TDG: variants seen among roughly 807,000 people sequenced by gnomAD.
The protein encoded by TDG is thymine DNA glycosylase.
In TDG, 23 loss-of-function variants were observed where a neutral mutation model predicts 46.1. That is an observed-to-expected ratio of 0.50 (90% CI 0.36 to 0.71). The LOEUF (loss-of-function observed/expected upper bound fraction) is 0.71, where lower values mean the gene tolerates loss of function less well. Ranked by LOEUF, TDG falls within the 30% of genes least tolerant of loss-of-function variation. The pLI, the probability that TDG is intolerant of heterozygous loss-of-function variation, is 0.00. For missense variants in TDG, 304 were observed against 486.7 expected (o/e 0.62, Z 3.53); for synonymous variants, 115 against 161.3 (o/e 0.71, Z 2.18).
At position 103,979,109 on chromosome 12, in the gene TDG, C is replaced by CTTTTTTTTTTTTTTTTTT. The variant is rs372883902; in HGVS notation, c.167-710_167-709insTTTTTTTTTTTTTTTTTT. Reference sequence around the variant, plus strand: ...GCCATTGTGTTTTTCTTTTTTCTTTCTTTTTTTTTTTTGGACAGAGTCTTG... The same window carrying CTTTTTTTTTTTTTTTTTT: ...GCCATTGTGTTTTTCTTTTTTCTTTCTTTTTTTTTTTTTTTTTTTTTTTTTTTTTTGGACAGAGTCTTG... On this transcript the variant is annotated intron_variant, in intron 2 of 9. Transcript: ENST00000392872. Among the ~76,000 whole-genome samples, 16 of 123,572 alleles carry CTTTTTTTTTTTTTTTTTT rather than the reference C, an allele frequency of 1.3e-4. 1 individual carries two copies. The highest frequency in any genetic ancestry group is 2.4e-4 in the East Asian group (1 of 4,176). 81.1% of individuals were successfully genotyped at this position (123,572 alleles called of 152,430 possible).
intron 1 of TDG, among the ~76,000 whole-genome samples, chr12:103,976,615 C>T (rs322109): frequency 0.9 from 136,932 of 152,224 alleles, 61,680 homozygotes; most frequent in East Asian, 1. Context: ...TACTAGAAAA[C>T]TCCCTCAAAT....
chr12:103,970,966 A>G (rs1871261181), intron 1 of TDG, among the ~76,000 whole-genome samples: 1 of 152,190 alleles, frequency 6.6e-6, no homozygotes, highest in Non-Finnish European at 1.5e-5. Flanking sequence ...ACATTAAAAA[A>G]TGATACAGAT....
intron 4 of TDG, 91 bp from the exon 5 acceptor site, chr12:103,982,708 T>A (rs1000334263): frequency 7.1e-7 from 1 of 1,400,422 alleles, no homozygotes; most frequent in Non-Finnish European, 9.9e-7. Flanking sequence ...GAGGCTGCAC[T>A]GAGCCATGAT....
Position 103,976,994 on chromosome 12 carries a change from G to A in TDG, c.100G>A (p.Val34Ile). The A allele has an allele frequency of 2.5e-6, 4 of 1,613,968 alleles. No homozygotes were observed. Among genetic ancestry groups the A allele is most frequent in the Non-Finnish European group, 3.4e-6 (4 of 1,179,962 alleles). ...GATGGCTGAAGCTCCTAATATGGCA[G>A]TTGTGAATGAACAGCAAATGCCAGA... ...QLMAEAPNMA[V>I]VNEQQMPEEV... Residue 34 changes from valine (V) to isoleucine (I), a missense_variant, in exon 2 of 10, where the codon GTT becomes ATT. Coordinates refer to ENST00000392872, the MANE Select transcript of TDG (RefSeq NM_003211.6).
rs1872247755 is a variant in TDG, at chr12:103,987,720, T to C, written c.*630T>C. On this transcript the variant is annotated 3_prime_UTR_variant, in exon 10 of 10. Transcript: ENST00000392872. Reference sequence around the variant, plus strand: ...CCTGCTCAGCCCTGTGTGTTAATCCTCTAGTAGCCAATTAACTACTCTGGG... The same window carrying C: ...CCTGCTCAGCCCTGTGTGTTAATCCCCTAGTAGCCAATTAACTACTCTGGG... The C allele has an allele frequency of 6.6e-6, 1 of 152,626 alleles. No individual in the cohort carries two copies. The highest frequency in any genetic ancestry group is 2.4e-5 in the African/African-American group (1 of 41,478). The allele number at this position is 152,626 out of a possible 1,614,324, so 9.5% of individuals were successfully genotyped here. A position where few individuals can be genotyped will look rare whatever the true frequency, so the allele number is the denominator to read the frequency against.
At chr12:103,966,239 G>A (rs938090646) in intron 1 of TDG, among the ~76,000 whole-genome samples, 179 bp downstream of exon 1, 4 of 152,236 alleles carry the variant, frequency 2.6e-5, no homozygotes, top group African/African-American at 9.6e-5. Flanking sequence ...GGTGGTGGTG[G>A]AGGTCGGGGC....
intron 1 of TDG, among the ~76,000 whole-genome samples, chr12:103,968,911 C>A (rs1687545515): frequency 6.6e-6 from 1 of 152,178 alleles, no homozygotes; most frequent in African/African-American, 2.4e-5. Context: ...AGTGGATCAC[C>A]TGAAGTCAGG....
chr12:103,968,679 G>A (rs1461393853), intron 1 of TDG, among the ~76,000 whole-genome samples: 2 of 152,218 alleles, frequency 1.3e-5, no homozygotes, highest in Non-Finnish European at 2.9e-5. Context: ...CAAGGGAGAG[G>A]CCAGATTAAA....
chr12:103,985,174 C>CACACACACAT (rs1872074673), intron 8 of TDG, among the ~76,000 whole-genome samples: 1 of 93,340 alleles, frequency 1.1e-5, no homozygotes, highest in Non-Finnish European at 2.6e-5. Flanking sequence ...CATACACACA[C>CACACACACAT]ACACACACAC....
rs1871316491 is a variant in TDG at position 103,972,175 on chromosome 12, G to A, written c.24-4743G>A. 2.0e-5 allele frequency among the ~76,000 whole-genome samples: 3 copies of A among 152,006 alleles called. No individual in the cohort carries two copies. The South Asian group carries it at 6.2e-4, about 32-fold the overall frequency. ...GCTCTGTCGCCCAGGCTGGAGTACA[G>A]TGGTACGATCTTGGCTTACTGCAGC... On this transcript the variant is annotated intron_variant, in intron 1 of 9. Coordinates refer to ENST00000392872, the MANE Select transcript of TDG (RefSeq NM_003211.6).
chr12:103,966,159 C>A, intron 1 of TDG, 99 bp downstream of exon 1: 1 of 1,357,186 alleles, frequency 7.4e-7, no homozygotes, highest in Non-Finnish European at 9.6e-7. Context: ...TAAATCCCGG[C>A]CGGAATACAA....
In TDG at chr12:103,985,529, A is replaced by T. The variant is rs767718291; in HGVS notation, c.965-74A>T. The T allele has an allele frequency of 8.7e-6, 13 of 1,491,012 alleles. No individual in the cohort carries two copies. In the South Asian group the frequency reaches 1.6e-4, roughly 19 times the overall value. 92.4% of individuals were successfully genotyped at this position (1,491,012 alleles called of 1,614,324 possible). A position where few individuals can be genotyped will look rare whatever the true frequency, so the allele number is the denominator to read the frequency against. On this transcript the variant is annotated intron_variant, in intron 8 of 9. Transcript: ENST00000392872. ...GAATATTCAAGAAAAAGAATTGTTC[A>T]TGATTTCTGAATAAAGCTACTTTTA...
intron 4 of TDG, among the ~76,000 whole-genome samples, chr12:103,981,226 CTTTTTTTTT>C (rs11314473): frequency 4.3e-5 from 3 of 69,412 alleles, no homozygotes; most frequent in African/African-American, 5.8e-5. Context: ...AGTTGTACTA[CTTTTTTTTT>C]TTTTTTTTTT....
chr12:103,972,480 T>C (rs1046521566), intron 1 of TDG, among the ~76,000 whole-genome samples: 3 of 152,144 alleles, frequency 2.0e-5, no homozygotes, highest in Non-Finnish European at 4.4e-5. Flanking sequence ...GTAGATGTAA[T>C]GCTTGCTTCT....
chr12:103,988,191 A>T lies in TDG; in HGVS notation c.*1101A>T, dbSNP rs1274143494. On this transcript the variant is annotated 3_prime_UTR_variant, in exon 10 of 10. Transcript: ENST00000392872. The stretch of plus-strand genomic sequence containing the variant: ...TAATCCAGACTACCAGGTCTGGTAG[A>T]TATTAAAGCTGGGTACTAAGAAATG... 6.6e-6 allele frequency: 1 copy of T among 152,302 alleles called. No homozygotes were observed. The highest frequency in any genetic ancestry group is 2.4e-5 in the African/African-American group (1 of 41,484). The allele number at this position is 152,302 out of a possible 1,614,324, so 9.4% of individuals were successfully genotyped here. A position where few individuals can be genotyped will look rare whatever the true frequency, so the allele number is the denominator to read the frequency against.
At chr12:103,966,120 G>A in intron 1 of TDG, 60 bp downstream of exon 1, 1 of 1,364,474 alleles carries the variant, frequency 7.3e-7, no homozygotes, top group Non-Finnish European at 9.7e-7. Context: ...CAGGCTGGCT[G>A]GCGCGCGCGC....
rs1158359462 is a variant in TDG, at chr12:103,982,818, A to G, written c.498A>G (p.Ser166=). 6.2e-7 allele frequency: 1 copy of G among 1,613,364 alleles called. No individual in the cohort carries two copies. Among genetic ancestry groups the G allele is most frequent in the Admixed American group, 1.7e-5 (1 of 60,008 alleles). ...GNHFWKCLFM[S]GLSEVQLNHM... is the part of the protein sequence containing the mutation. ...TTACAGGGAAGTGTTTGTTTATGTCAGGGCTCAGTGAGGTCCAGCTGAACC... is the reference window on the plus strand; with the variant it reads ...TTACAGGGAAGTGTTTGTTTATGTCGGGGCTCAGTGAGGTCCAGCTGAACC... Residue 166 remains serine, a synonymous_variant, in exon 5 of 10, where the codon TCA becomes TCG. Coordinates refer to ENST00000392872, the MANE Select transcript of TDG (RefSeq NM_003211.6).
Position 103,985,166 on chromosome 12 carries a change from TACACACACACACAC to T in TDG, c.964+276_964+289del, listed in dbSNP as rs375705839. On this transcript the variant is annotated intron_variant, in intron 8 of 9. Transcript: ENST00000392872. ...ATGTGTGTGTCTATATATAGACACA[TACACACACACACAC>T]ACACACACACACACACACACACACA... Among the ~76,000 whole-genome samples, 261 of 138,562 alleles carry T rather than the reference TACACACACACACAC, an allele frequency of 1.9e-3. 2 individuals carry two copies. Among genetic ancestry groups the T allele is most frequent in the African/African-American group, 6.0e-3 (227 of 38,076 alleles). The allele number at this position is 138,562 out of a possible 152,430, so 90.9% of individuals were successfully genotyped here. A position where few individuals can be genotyped will look rare whatever the true frequency, so the allele number is the denominator to read the frequency against.
intron 4 of TDG, among the ~76,000 whole-genome samples, chr12:103,982,575 T>C (rs1640722261): frequency 6.6e-6 from 1 of 152,102 alleles, no homozygotes; most frequent in African/African-American, 2.4e-5. Flanking sequence ...AAGACCAGCC[T>C]GGGCAACATG....
Sources: gnomAD v4.1 joint callset for allele counts (sites outside exome capture counted in the v4.1 genomes callset) on GRCh38, gnomAD v4.1.1 for gene constraint, MANE v1.5 for transcripts, NCBI Gene and HGNC (gene_info 2026-07-23, HGNC 2026-07-21) for gene names.